Variants in EFNA5 observed in about 807,000 individuals in gnomAD.
EFNA5 encodes ephrin-A5.
Under a neutral mutation model 22.9 loss-of-function variants are expected in EFNA5, and 5 were observed. That is an observed-to-expected ratio of 0.22 (90% CI 0.11 to 0.46). The LOEUF (loss-of-function observed/expected upper bound fraction) is 0.46. Among genes scored for constraint, EFNA5 ranks in the 20% least tolerant of loss-of-function variants. EFNA5 has a pLI of 0.99. For missense variants in EFNA5, 237 were observed against 293.3 expected (o/e 0.81, Z 1.40); for synonymous variants, 113 against 112.2 (o/e 1.01, Z -0.04).
chr5:107,554,901 T>C (rs1039515475), intron 1 of EFNA5, among the ~76,000 whole-genome samples: 1 of 152,232 alleles, frequency 6.6e-6, no homozygotes. Context: ...ACTACTACGT[T>C]CTGCAACAGC....
At chr5:107,628,156 A>C (rs1750179207) in intron 1 of EFNA5, among the ~76,000 whole-genome samples, 1 of 152,192 alleles carries the variant, frequency 6.6e-6, no homozygotes, top group Non-Finnish European at 1.5e-5. Flanking sequence ...ATAACGATGC[A>C]CCAAGAAGGT....
chr5:107,428,155 C>T (rs927326431), intron 1 of EFNA5, among the ~76,000 whole-genome samples: 5 of 152,150 alleles, frequency 3.3e-5, no homozygotes, highest in East Asian at 3.9e-4. Flanking sequence ...ATGGAGACTT[C>T]GGATCCCAGT....
At chr5:107,473,133 T>C (rs532761540) in intron 1 of EFNA5, among the ~76,000 whole-genome samples, 1 of 152,236 alleles carries the variant, frequency 6.6e-6, no homozygotes, top group Admixed American at 6.5e-5. Flanking sequence ...CTGATGGAGA[T>C]CTGATGTTGG....
intron 1 of EFNA5, among the ~76,000 whole-genome samples, chr5:107,581,084 A>G (rs1425801655): frequency 6.6e-6 from 1 of 152,224 alleles, no homozygotes; most frequent in African/African-American, 2.4e-5. Flanking sequence ...AGACCTCATT[A>G]AAGTTGAGCA....
chr5:107,386,318 A>C (rs1747623201), intron 4 of EFNA5, among the ~76,000 whole-genome samples: 1 of 152,124 alleles, frequency 6.6e-6, no homozygotes, highest in Admixed American at 6.6e-5. Context: ...CCACAGAGGA[A>C]GGAAACACAC....
chr5:107,568,554 T>C (rs955863174), intron 1 of EFNA5, among the ~76,000 whole-genome samples: 1 of 152,174 alleles, frequency 6.6e-6, no homozygotes, highest in African/African-American at 2.4e-5. Context: ...CTGCAGTCCT[T>C]AAATGCCCCA....
intron 2 of EFNA5, among the ~76,000 whole-genome samples, chr5:107,395,918 T>C (rs1747911319): frequency 6.6e-6 from 1 of 152,222 alleles, no homozygotes; most frequent in Non-Finnish European, 1.5e-5. Context: ...CTATTTATAT[T>C]ATTTCTTCTC....
At chr5:107,543,155 C>G (rs1748080054) in intron 1 of EFNA5, among the ~76,000 whole-genome samples, 1 of 152,094 alleles carries the variant, frequency 6.6e-6, no homozygotes, top group Non-Finnish European at 1.5e-5. Context: ...GGCTTCCCGG[C>G]AGAGTTACAC....
chr5:107,656,630 C>G (rs1054209614), intron 1 of EFNA5, among the ~76,000 whole-genome samples: 2 of 151,896 alleles, frequency 1.3e-5, no homozygotes, highest in African/African-American at 4.8e-5. Context: ...TCTCTATTTC[C>G]CCCCCAATTT....
chr5:107,609,617 A>G (rs779202887), intron 1 of EFNA5, among the ~76,000 whole-genome samples: 1 of 152,178 alleles, frequency 6.6e-6, no homozygotes, highest in Admixed American at 6.5e-5. Context: ...CTGCACCACC[A>G]AAGTCGCCTC....
intron 1 of EFNA5, among the ~76,000 whole-genome samples, chr5:107,581,068 G>C (rs187460226): frequency 3.4e-4 from 52 of 152,296 alleles, no homozygotes; most frequent in African/African-American, 1.2e-3. Context: ...ATATATGGTT[G>C]TAGCAAGACC....
intron 1 of EFNA5, among the ~76,000 whole-genome samples, chr5:107,468,071 C>T (rs1236479276): frequency 6.6e-6 from 1 of 152,116 alleles, no homozygotes; most frequent in Non-Finnish European, 1.5e-5. Context: ...CTTGGTAGAA[C>T]GGATAGCATA....
chr5:107,457,828 G>A (rs556744865), intron 1 of EFNA5, among the ~76,000 whole-genome samples: 50 of 152,286 alleles, frequency 3.3e-4, no homozygotes, highest in Non-Finnish European at 6.2e-4. Context: ...CAAAAACATA[G>A]TGATCCTCTG....
At chr5:107,400,534 T>C (rs13182611) in intron 2 of EFNA5, among the ~76,000 whole-genome samples, 1,912 of 152,314 alleles carry the variant, frequency 0.013, 11 homozygotes, top group Middle Eastern at 0.031. Context: ...GTTTGTTTCC[T>C]GGTTTATTGT....
At chr5:107,533,354 C>T (rs1485602659) in intron 1 of EFNA5, among the ~76,000 whole-genome samples, 2 of 152,108 alleles carry the variant, frequency 1.3e-5, no homozygotes, top group African/African-American at 4.8e-5. Flanking sequence ...AGTGCTTCAC[C>T]TATAGAGAAG....
At chr5:107,660,081 A>T (rs1364807932) in intron 1 of EFNA5, among the ~76,000 whole-genome samples, 2 of 151,370 alleles carry the variant, frequency 1.3e-5, no homozygotes, top group African/African-American at 4.9e-5. Context: ...TGGTGATGTC[A>T]AAGTGTGTAA....
intron 1 of EFNA5, among the ~76,000 whole-genome samples, chr5:107,543,153 G>A (rs369369533): frequency 9.2e-5 from 14 of 152,222 alleles, no homozygotes; most frequent in Non-Finnish European, 2.1e-4. Context: ...AGGGCTTCCC[G>A]GCAGAGTTAC....
chr5:107,670,631 G>T lies in EFNA5; in HGVS notation c.-18C>A, dbSNP rs371484447. The T allele has an allele frequency of 1.3e-6, 2 of 1,597,628 alleles. No individual in the cohort carries two copies. Among genetic ancestry groups the T allele is most frequent in the East Asian group, 2.3e-5 (1 of 43,452 alleles). The stretch of plus-strand genomic sequence containing the variant: ...TGCAACATCACGCCTGGCCAGCGGC[G>T]GAGCCCCCGACGCGCCACTCCGGGG... On this transcript the variant is annotated 5_prime_UTR_variant, in exon 1 of 5. Coordinates refer to ENST00000333274, the MANE Select transcript of EFNA5 (RefSeq NM_001962.3).
At chr5:107,621,826 A>C (rs1750045995) in intron 1 of EFNA5, among the ~76,000 whole-genome samples, 1 of 152,222 alleles carries the variant, frequency 6.6e-6, no homozygotes, top group Non-Finnish European at 1.5e-5. Context: ...GGTAGATTTT[A>C]GTTGCTATTA....
Sources: gnomAD v4.1 joint callset for allele counts (sites outside exome capture counted in the v4.1 genomes callset) on GRCh38, gnomAD v4.1.1 for gene constraint, MANE v1.5 for transcripts, NCBI Gene and HGNC (gene_info 2026-07-23, HGNC 2026-07-21) for gene names.